The following FAM163A variants were observed in gnomAD, a reference collection of about 807,000 sequenced individuals.
FAM163A encodes protein FAM163A.
Under a neutral mutation model 12.0 loss-of-function variants are expected in FAM163A, and 7 were observed. The ratio of observed to expected loss-of-function variants is 0.58; its 90% CI spans 0.33 to 1.10. The LOEUF is 1.10. Among genes scored for constraint, FAM163A ranks in the 50% least tolerant of loss-of-function variants. The pLI is 0.03. For synonymous variants in FAM163A, 101 were observed against 91.0 expected (o/e 1.11, Z -0.62); for missense variants, 202 against 218.6 (o/e 0.92, Z 0.48).
chr1:179,801,607 A>G (rs149624576), intron 1 of FAM163A, among the ~76,000 whole-genome samples: 14 of 152,304 alleles, frequency 9.2e-5, no homozygotes, highest in Non-Finnish European at 1.3e-4. Flanking sequence ...CGTTTTGCAG[A>G]TGAGCCTCAA....
chr1:179,778,937 G>C (rs375083519), intron 1 of FAM163A, among the ~76,000 whole-genome samples: 2 of 152,182 alleles, frequency 1.3e-5, no homozygotes, highest in Admixed American at 6.5e-5. Context: ...TTGGGAGGGA[G>C]GTTCATAAGG....
At chr1:179,802,010 T>A (rs1213825228) in intron 1 of FAM163A, among the ~76,000 whole-genome samples, 1 of 152,176 alleles carries the variant, frequency 6.6e-6, no homozygotes, top group East Asian at 1.9e-4. Flanking sequence ...ATTTAGTCAA[T>A]CCTGGAAGGC....
chr1:179,743,337 C>T lies in FAM163A; in HGVS notation c.-222C>T, dbSNP rs1380596799. 6.6e-6 allele frequency: 1 copy of T among 152,302 alleles called. No homozygotes were observed. The highest frequency in any genetic ancestry group is 1.9e-4 in the East Asian group (1 of 5,180). 9.4% of individuals were successfully genotyped at this position (152,302 alleles called of 1,614,324 possible). Reference sequence around the variant, plus strand: ...GCCGCGGAGCCTCACGTGTGCCGCCCCAGCCGCTGGCGCCCGGAAGGACGC... The same window carrying T: ...GCCGCGGAGCCTCACGTGTGCCGCCTCAGCCGCTGGCGCCCGGAAGGACGC... On this transcript the variant is annotated 5_prime_UTR_variant, in exon 1 of 5. Coordinates refer to ENST00000341785, the MANE Select transcript of FAM163A (RefSeq NM_173509.3).
At chr1:179,812,430 GAAGA>G (rs1255220247) in intron 3 of FAM163A, among the ~76,000 whole-genome samples, 2 of 152,172 alleles carry the variant, frequency 1.3e-5, no homozygotes, top group Non-Finnish European at 2.9e-5. Context: ...GTTTGAAGGA[GAAGA>G]GAGATACCCC....
intron 1 of FAM163A, among the ~76,000 whole-genome samples, chr1:179,787,631 C>T (rs575551880): frequency 6.6e-6 from 1 of 152,142 alleles, no homozygotes; most frequent in Non-Finnish European, 1.5e-5. Flanking sequence ...CTAGACACAC[C>T]GCTCTACAGC....
intron 1 of FAM163A, among the ~76,000 whole-genome samples, chr1:179,761,424 C>G (rs1686799756): frequency 6.6e-6 from 1 of 152,208 alleles, no homozygotes; most frequent in African/African-American, 2.4e-5. Flanking sequence ...GTCTTTTTCT[C>G]CAGGAGGACT....
chr1:179,799,265 T>C (rs1201897521), intron 1 of FAM163A, among the ~76,000 whole-genome samples: 2 of 152,126 alleles, frequency 1.3e-5, no homozygotes, highest in African/African-American at 4.8e-5. Context: ...CAAGGACAGA[T>C]AGGGAGAAAT....
intron 1 of FAM163A, among the ~76,000 whole-genome samples, chr1:179,797,966 A>T (rs1374093279): frequency 6.6e-6 from 1 of 152,168 alleles, no homozygotes; most frequent in Non-Finnish European, 1.5e-5. Flanking sequence ...GCAGTGGCTC[A>T]CACCTGTAAT....
chr1:179,802,237 A>T (rs1222314993), intron 1 of FAM163A, among the ~76,000 whole-genome samples: 1 of 152,146 alleles, frequency 6.6e-6, no homozygotes, highest in East Asian at 1.9e-4. Flanking sequence ...ATTTTTTGGT[A>T]TGTGTTCTTG....
chr1:179,729,420 T>G, the FAM163A span, among the ~76,000 whole-genome samples: 14 of 152,164 alleles, frequency 9.2e-5, no homozygotes, highest in Non-Finnish European at 1.5e-4. Flanking sequence ...CAAGGGATAC[T>G]CAGGTGAAAC....
the FAM163A span, chr1:179,730,083 A>T: frequency 1.5e-4 from 23 of 152,358 alleles, no homozygotes; most frequent in African/African-American, 5.3e-4. Context: ...AAAGAAAGAC[A>T]GGTTAGGTAT....
chr1:179,788,778 G>T (rs1400262374), intron 1 of FAM163A, among the ~76,000 whole-genome samples: 1 of 152,178 alleles, frequency 6.6e-6, no homozygotes, highest in Non-Finnish European at 1.5e-5. Flanking sequence ...GTCACAAAAA[G>T]GGGGCTCAAG....
At chr1:179,732,880 C>CA in the FAM163A span, among the ~76,000 whole-genome samples, 11,321 of 38,964 alleles carry the variant, frequency 0.29, 2,979 homozygotes, top group East Asian at 0.68. Context: ...GACTCTGCCT[C>CA]AAAAAAAAAA....
chr1:179,745,377 G>A (rs1684327363), intron 1 of FAM163A, among the ~76,000 whole-genome samples: 2 of 152,172 alleles, frequency 1.3e-5, no homozygotes, highest in African/African-American at 4.8e-5. Context: ...AAATGACCCC[G>A]GCTTAGTTCA....
At chr1:179,740,538 T>C (rs996061113), upstream of FAM163A, among the ~76,000 whole-genome samples, 3 of 152,068 alleles carry the variant, frequency 2.0e-5, no homozygotes, top group Non-Finnish European at 4.4e-5. Flanking sequence ...CATGAAATAC[T>C]ACAAGAAAAA....
chr1:179,777,885 G>A (rs1029251533), intron 1 of FAM163A, among the ~76,000 whole-genome samples: 6 of 152,264 alleles, frequency 3.9e-5, no homozygotes, highest in Non-Finnish European at 5.9e-5. Context: ...TGCAGCTCAC[G>A]TCCTGCAGTT....
chr1:179,768,856 A>G (rs1348448088), intron 1 of FAM163A, among the ~76,000 whole-genome samples: 3 of 152,102 alleles, frequency 2.0e-5, no homozygotes, highest in Non-Finnish European at 2.9e-5. Flanking sequence ...CGCCTGTCTC[A>G]GCCTCCCAAA....
chr1:179,730,543 G>A, the FAM163A span: 5 of 152,148 alleles, frequency 3.3e-5, no homozygotes, highest in African/African-American at 7.2e-5. Flanking sequence ...CTAGTCCATG[G>A]GAAGACTCAG....
At chr1:179,745,702 A>C (rs1222421243) in intron 1 of FAM163A, among the ~76,000 whole-genome samples, 1 of 152,236 alleles carries the variant, frequency 6.6e-6, no homozygotes, top group African/African-American at 2.4e-5. Flanking sequence ...GCCAGACACA[A>C]GGTTTTGCAA....
Sources: allele counts gnomAD v4.1 joint callset (sites outside exome capture counted in the v4.1 genomes callset), GRCh38; gene constraint gnomAD v4.1.1; transcripts MANE v1.5; gene names NCBI Gene and HGNC (gene_info 2026-07-23, HGNC 2026-07-21).